The following LSM14B variants were observed in gnomAD, a reference collection of about 807,000 sequenced individuals.
LSM14B encodes the protein protein LSM14 homolog B.
Under a neutral mutation model 42.1 loss-of-function variants are expected in LSM14B, and 8 were observed. The ratio of observed to expected loss-of-function variants is 0.19; its 90% CI spans 0.11 to 0.34. LSM14B has a LOEUF of 0.34. Among genes scored for constraint, LSM14B ranks in the 10% least tolerant of loss-of-function variants. LSM14B has a pLI of 1.00. For synonymous variants in LSM14B, 219 were observed against 209.7 expected (o/e 1.04, Z -0.38); for missense variants, 396 against 513.1 (o/e 0.77, Z 2.21).
Position 62,122,657 on chromosome 20 carries a change from G to T in LSM14B, c.-10G>T, listed in dbSNP as rs1025122479. Reference sequence around the variant, plus strand: ...TCCCCACCGCGGCCCGACGCACCCCGGCCGCCGCCATGAGCGGCTCCTCAG... The same window carrying T: ...TCCCCACCGCGGCCCGACGCACCCCTGCCGCCGCCATGAGCGGCTCCTCAG... On this transcript the variant is annotated 5_prime_UTR_variant, in exon 1 of 9. Coordinates refer to ENST00000279068, the MANE Select transcript of LSM14B (RefSeq NM_144703.3). The surrounding 1 kb of genome is among the most constrained non-coding windows in gnomAD (Gnocchi z 4.6). The T allele has an allele frequency of 1.4e-6, 2 of 1,415,808 alleles. No homozygotes were observed. Among genetic ancestry groups the T allele is most frequent in the Admixed American group, 2.2e-5 (1 of 45,720 alleles). 87.7% of individuals were successfully genotyped at this position (1,415,808 alleles called of 1,614,324 possible).
chr20:62,127,797 C>A, intron 3 of LSM14B: 1 of 928,658 alleles, frequency 1.1e-6, no homozygotes, highest in Non-Finnish European at 1.7e-6. Context: ...TGTAGCAGAT[C>A]ATTTGCCAAG....
intron 2 of LSM14B, 136 bp from the exon 3 acceptor site, chr20:62,126,168 C>G (rs2056594198): frequency 7.5e-7 from 1 of 1,333,330 alleles, no homozygotes. Flanking sequence ...ACTTGCACCC[C>G]AAGGGCTCCT....
At chr20:62,127,518 C>A in intron 3 of LSM14B, 1 of 1,141,412 alleles carries the variant, frequency 8.8e-7, no homozygotes, top group Non-Finnish European at 1.3e-6. Flanking sequence ...TTGCTAGACA[C>A]AAGACAAGTG....
In LSM14B at chr20:62,124,914, CTG is replaced by C. The variant is rs1284400330; in HGVS notation, c.291+138_291+139del. On this transcript the variant is annotated intron_variant, in intron 2 of 8. Transcript: ENST00000279068. ...TTTTTTTCTTTGAGGCAGCGTCTCG[CTG>C]TGTCACCAGGCTGGAGGTCAGTGGC... The C allele has an allele frequency of 1.7e-5, 17 of 993,942 alleles. No individual in the cohort carries two copies. In the African/African-American group the frequency reaches 2.5e-4, roughly 14 times the overall value. 61.6% of individuals were successfully genotyped at this position (993,942 alleles called of 1,614,324 possible). A position where few individuals can be genotyped will look rare whatever the true frequency, so the allele number is the denominator to read the frequency against.
At position 62,122,834 on chromosome 20, in the gene LSM14B, G is replaced by C; in HGVS notation, c.127+41G>C. ...CGCCCGAGCCCGCTGACCCCCGTCC[G>C]CCAACAGCCCCGGCCTGCGGTGCCC... is the stretch of plus-strand genomic sequence containing the variant. On this transcript the variant is annotated intron_variant, in intron 1 of 8. Transcript: ENST00000279068. This position sits in a 1 kb window ranked among gnomAD's most constrained non-coding sequence, Gnocchi z 4.6. 6.9e-7 allele frequency: 1 copy of C among 1,446,450 alleles called. No homozygotes were observed. Among genetic ancestry groups the C allele is most frequent in the African/African-American group, 1.5e-5 (1 of 67,162 alleles). 89.6% of individuals were successfully genotyped at this position (1,446,450 alleles called of 1,614,324 possible). A position where few individuals can be genotyped will look rare whatever the true frequency, so the allele number is the denominator to read the frequency against.
intron 8 of LSM14B, 42 bp downstream of exon 8, chr20:62,133,517 A>G: frequency 6.3e-7 from 1 of 1,585,548 alleles, no homozygotes; most frequent in Admixed American, 1.9e-5. Flanking sequence ...GGGAGGGTGT[A>G]GGGTCAGGCA....
chr20:62,130,288 G>A lies in LSM14B; in HGVS notation c.665G>A (p.Arg222Lys), dbSNP rs2056729946. The A allele has an allele frequency of 6.3e-7, 1 of 1,595,268 alleles. No individual in the cohort carries two copies. Among genetic ancestry groups the A allele is most frequent in the Admixed American group, 1.7e-5 (1 of 57,246 alleles). The change falls in exon 5 of 9, where the codon AGG becomes AAG. Residue 222 changes from arginine to lysine, a missense_variant. Coordinates refer to ENST00000279068, the MANE Select transcript of LSM14B (RefSeq NM_144703.3). This position sits in a 1 kb window ranked among gnomAD's most constrained non-coding sequence, Gnocchi z 4.1. ...GACGAGAACAGAAGACCTCAGAGGA[G>A]GCGATCAGGTAACACCTGTTGCCAC... is the stretch of plus-strand genomic sequence containing the variant. ...VNDENRRPQRRRSGNRRTRNR... is the reference protein window; with the variant it reads ...VNDENRRPQRKRSGNRRTRNR...
chr20:62,130,711 A>G lies in LSM14B; in HGVS notation c.835+20A>G, dbSNP rs749702856. 1 of 1,610,616 alleles carries G rather than the reference A, an allele frequency of 6.2e-7. No homozygotes were observed. The highest frequency in any genetic ancestry group is 8.5e-7 in the Non-Finnish European group (1 of 1,179,176). On this transcript the variant is annotated intron_variant, in intron 6 of 8. Coordinates refer to ENST00000279068, the MANE Select transcript of LSM14B (RefSeq NM_144703.3). The surrounding 1 kb of genome is among the most constrained non-coding windows in gnomAD (Gnocchi z 4.1). ...TTAAAGGTTTGGCTCATTATATGAAAATTATTCTCTGCACAGGAGTACCCC... is the reference window on the plus strand; with the variant it reads ...TTAAAGGTTTGGCTCATTATATGAAGATTATTCTCTGCACAGGAGTACCCC...
intron 2 of LSM14B, 50 bp downstream of exon 2, chr20:62,124,830 C>T (rs775241906): frequency 1.3e-6 from 2 of 1,548,272 alleles, no homozygotes; most frequent in Non-Finnish European, 8.7e-7. Context: ...TGCTGGTTTC[C>T]ATTTGGAGCT....
rs570207159 is a variant in LSM14B at position 62,129,611 on chromosome 20, G to C, written c.428-174G>C. Among the ~76,000 whole-genome samples the C allele has an allele frequency of 1.6e-3, 242 of 152,294 alleles. 1 individual carries two copies. The highest frequency in any genetic ancestry group is 1.7e-3 in the Non-Finnish European group (116 of 68,026). On this transcript the variant is annotated intron_variant, in intron 3 of 8. Coordinates refer to ENST00000279068, the MANE Select transcript of LSM14B (RefSeq NM_144703.3). ...CTCTTGGCCTTCTTTTGCTGCCTGG[G>C]CTAGCCTCAGAGGGAATGGCCCAGT...
intron 3 of LSM14B, chr20:62,127,753 C>A (rs576364656): frequency 8.0e-7 from 1 of 1,257,110 alleles, no homozygotes; most frequent in Non-Finnish European, 1.1e-6. Context: ...ATTCTGAGAG[C>A]GAGGGGTAAA....
In LSM14B at chr20:62,122,514, G is replaced by A; in HGVS notation, c.-153G>A. The A allele has an allele frequency of 2.3e-6, 1 of 432,092 alleles. No homozygotes were observed. The allele number at this position is 432,092 out of a possible 1,614,324, so 26.8% of individuals were successfully genotyped here. On this transcript the variant is annotated 5_prime_UTR_variant, in exon 1 of 9. Coordinates refer to ENST00000279068, the MANE Select transcript of LSM14B (RefSeq NM_144703.3). The surrounding 1 kb of genome is among the most constrained non-coding windows in gnomAD (Gnocchi z 4.6). ...TCTTGGTTCGCTCGGTGCCCGCGCA[G>A]GCCCCTCGGGCGGTGGCGAGGAGGC...
In LSM14B at chr20:62,130,592, A is replaced by C. The variant is rs1013343835; in HGVS notation, c.736A>C (p.Thr246Pro). The C allele has an allele frequency of 1.9e-6, 3 of 1,614,012 alleles. No homozygotes were observed. Among genetic ancestry groups the C allele is most frequent in the Non-Finnish European group, 2.5e-6 (3 of 1,179,896 alleles). The change falls in exon 6 of 9, where the codon ACA (threonine) becomes CCA (proline). Residue 246 changes from threonine (T) to proline (P), a missense_variant. Around this residue, in one of 3 missense-constraint regions of LSM14B, gnomAD observed 274 missense variants for 335.8 expected, o/e 0.82. Coordinates refer to ENST00000279068, the MANE Select transcript of LSM14B (RefSeq NM_144703.3). The surrounding 1 kb of genome is among the most constrained non-coding windows in gnomAD (Gnocchi z 4.1). Reference protein sequence around the residue: ...QNRPTNVKENTIKFEGDFDFE... With the variant: ...QNRPTNVKENPIKFEGDFDFE... ...CCGTCCAACTAACGTTAAGGAAAAC[A>C]CAATCAAATTTGAGGGTGACTTTGA...
At chr20:62,133,035 C>T (rs910622796) in intron 7 of LSM14B, among the ~76,000 whole-genome samples, 22 of 152,204 alleles carry the variant, frequency 1.4e-4, no homozygotes, top group African/African-American at 5.1e-4. Context: ...ACTAGTATCA[C>T]TGCTTGCCTG....
rs1233306715 is a variant in LSM14B, at chr20:62,126,039, C to T, written c.292-265C>T. On this transcript the variant is annotated intron_variant, in intron 2 of 8. Transcript: ENST00000279068. ...TCACGCCATTGCACTCCAGCCCAGG[C>T]GACAGAGCAATACTCTTTCAAAAAA... Among the ~76,000 whole-genome samples, 7 of 152,150 alleles carry T rather than the reference C, an allele frequency of 4.6e-5. No individual in the cohort carries two copies. The South Asian group carries it at 1.2e-3, about 27-fold the overall frequency.
At chr20:62,132,510 G>A (rs2056795619) in intron 7 of LSM14B, among the ~76,000 whole-genome samples, 1 of 152,246 alleles carries the variant, frequency 6.6e-6, no homozygotes, top group Admixed American at 6.5e-5. Context: ...TTGGAACCAG[G>A]CAGTGGTGGT....
intron 3 of LSM14B, chr20:62,127,557 T>C: frequency 2.0e-6 from 3 of 1,476,044 alleles, no homozygotes; most frequent in Non-Finnish European, 2.8e-6. Flanking sequence ...TGCTTTCTTT[T>C]TGCTCTTTCT....
At chr20:62,124,369 T>C (rs527491153) in intron 1 of LSM14B, among the ~76,000 whole-genome samples, 2 of 152,352 alleles carry the variant, frequency 1.3e-5, no homozygotes, top group African/African-American at 4.8e-5. Context: ...TGTCAGTCTG[T>C]GAAATTGTTC....
chr20:62,129,091 C>T (rs2056689356), intron 3 of LSM14B: 1 of 1,060,490 alleles, frequency 9.4e-7, no homozygotes, highest in Admixed American at 2.3e-5. Context: ...GAGGGTTCAT[C>T]CCCTGTGCGT....
Sources: gnomAD v4.1 joint callset for allele counts (sites outside exome capture counted in the v4.1 genomes callset) on GRCh38, gnomAD v4.1.1 for gene constraint, gnomAD v4.1.1 regional missense constraint, Gnocchi (gnomAD v3.1) non-coding constraint, MANE v1.5 for transcripts, NCBI Gene and HGNC (gene_info 2026-07-23, HGNC 2026-07-21) for gene names.